The following EEFSEC variants were observed in gnomAD, a reference collection of about 807,000 sequenced individuals.
The protein encoded by EEFSEC is selenocysteine-specific elongation factor.
A neutral mutation model predicts 42.1 loss-of-function variants in EEFSEC; 43 were observed. That is an observed-to-expected ratio of 1.02 (90% CI 0.80 to 1.32). EEFSEC has a LOEUF of 1.32. Among genes scored for constraint, EEFSEC ranks in the 40% most tolerant of loss-of-function variants. The probability of loss-of-function intolerance (pLI) is 0.00; values close to 1 mark genes in which losing one functional copy is unlikely to be tolerated. For synonymous variants in EEFSEC, 354 were observed against 339.1 expected (o/e 1.04, Z -0.48); for missense variants, 745 against 803.6 (o/e 0.93, Z 0.88).
chr3:128,162,468 A>G (rs919696971), intron 1 of EEFSEC, among the ~76,000 whole-genome samples: 4 of 152,042 alleles, frequency 2.6e-5, no homozygotes, highest in African/African-American at 9.7e-5. Flanking sequence ...CTCCCCATAC[A>G]CTGGAGTGCC....
In EEFSEC at chr3:128,345,325, C is replaced by A. The variant is rs144498312; in HGVS notation, c.1443+3436C>A. 6.2e-3 allele frequency among the ~76,000 whole-genome samples: 944 copies of A among 152,288 alleles called. 33 individuals are homozygous for A. Among genetic ancestry groups the A allele is most frequent in the Admixed American group, 0.056 (853 of 15,304 alleles). The stretch of plus-strand genomic sequence containing the variant: ...TCTTTTCCCTGGGACTCCATTATTT[C>A]TCTTTGAAGCACAGGAGCCAATCCC... On this transcript the variant is annotated intron_variant, in intron 5 of 6. Transcript: ENST00000254730.
At chr3:128,305,866 T>C (rs2066820502) in intron 4 of EEFSEC, among the ~76,000 whole-genome samples, 1 of 152,230 alleles carries the variant, frequency 6.6e-6, no homozygotes, top group South Asian at 2.1e-4. Flanking sequence ...AAAGACTAAA[T>C]ACATTGATCA....
Position 128,214,772 on chromosome 3 carries a change from C to G in EEFSEC, c.317-32064C>G, listed in dbSNP as rs554303348. On this transcript the variant is annotated intron_variant, in intron 1 of 6. Transcript: ENST00000254730. ...AATTACCTGGGATCTCTTCATTTCC[C>G]GGAGGGAAACTGGAAATTATCTTGC... Among the ~76,000 whole-genome samples, 12 of 152,260 alleles carry G rather than the reference C, an allele frequency of 7.9e-5. No individual in the cohort carries two copies. In the South Asian group the frequency reaches 2.5e-3, roughly 32 times the overall value.
chr3:128,324,586 G>A (rs2067043840), intron 4 of EEFSEC, among the ~76,000 whole-genome samples: 1 of 152,168 alleles, frequency 6.6e-6, no homozygotes, highest in Non-Finnish European at 1.5e-5. Context: ...GATCCAGGAG[G>A]GGAAAGTTGC....
intron 4 of EEFSEC, among the ~76,000 whole-genome samples, chr3:128,319,653 G>T (rs1024980657): frequency 6.6e-6 from 1 of 152,162 alleles, no homozygotes; most frequent in Non-Finnish European, 1.5e-5. Flanking sequence ...ACCAACCAGG[G>T]GTTTCCATGC....
At chr3:128,199,884 C>T (rs929536743) in intron 1 of EEFSEC, among the ~76,000 whole-genome samples, 6 of 152,082 alleles carry the variant, frequency 3.9e-5, no homozygotes, top group African/African-American at 1.2e-4. Flanking sequence ...CAGGCGCACG[C>T]CACCACGCCC....
intron 1 of EEFSEC, among the ~76,000 whole-genome samples, chr3:128,166,367 A>G (rs1166435311): frequency 1.3e-5 from 2 of 152,220 alleles, no homozygotes; most frequent in Non-Finnish European, 2.9e-5. Context: ...ACGGTCCAAC[A>G]TGGCAGCCAC....
intron 1 of EEFSEC, among the ~76,000 whole-genome samples, chr3:128,226,842 A>ACAG (rs2065912586): frequency 6.6e-6 from 1 of 152,218 alleles, no homozygotes. Flanking sequence ...ATGGTGGTGC[A>ACAG]CAGAGGGTTG....
At position 128,319,950 on chromosome 3, in the gene EEFSEC, A is replaced by C. The variant is rs1435610923; in HGVS notation, c.787-21283A>C. 3.3e-5 allele frequency among the ~76,000 whole-genome samples: 5 copies of C among 152,254 alleles called. No individual in the cohort carries two copies. The East Asian group carries it at 9.6e-4, about 29-fold the overall frequency. On this transcript the variant is annotated intron_variant, in intron 4 of 6. Coordinates refer to ENST00000254730, the MANE Select transcript of EEFSEC (RefSeq NM_021937.5). Reference sequence around the variant, plus strand: ...CGTGTGTACAGCACCTGCTGCTGGCAGCACAGGTTTGGCCCTGCTGATTGG... The same window carrying C: ...CGTGTGTACAGCACCTGCTGCTGGCCGCACAGGTTTGGCCCTGCTGATTGG...
At chr3:128,235,795 G>A (rs1396229435) in intron 1 of EEFSEC, among the ~76,000 whole-genome samples, 2 of 152,250 alleles carry the variant, frequency 1.3e-5, no homozygotes, top group Non-Finnish European at 2.9e-5. Flanking sequence ...GTAGCAATGA[G>A]TGTCCACATA....
At chr3:128,418,116 G>A in the EEFSEC span, among the ~76,000 whole-genome samples, 181 of 152,138 alleles carry the variant, frequency 1.2e-3, 2 homozygotes, top group Middle Eastern at 0.01. Context: ...GCCCACCACT[G>A]GAGTCCCCAG....
intron 1 of EEFSEC, among the ~76,000 whole-genome samples, chr3:128,243,723 G>A (rs985275513): frequency 2.5e-4 from 38 of 152,170 alleles, no homozygotes; most frequent in African/African-American, 7.0e-4. Flanking sequence ...GGAAAGGGGC[G>A]AGAGTCCACC....
intron 4 of EEFSEC, among the ~76,000 whole-genome samples, chr3:128,316,887 C>CCCGA (rs753098378): frequency 3.9e-5 from 6 of 152,164 alleles, no homozygotes; most frequent in Non-Finnish European, 8.8e-5. Context: ...TAATCCCAGC[C>CCCGA]CCGACCTTCC....
chr3:128,349,587 G>A (rs930268883), intron 5 of EEFSEC, among the ~76,000 whole-genome samples: 5 of 152,108 alleles, frequency 3.3e-5, no homozygotes, highest in African/African-American at 1.2e-4. Flanking sequence ...CTGTTACCAC[G>A]CCCCAGGATG....
chr3:128,411,619 G>C (rs952359259), downstream of EEFSEC, among the ~76,000 whole-genome samples: 1 of 152,142 alleles, frequency 6.6e-6, no homozygotes, highest in African/African-American at 2.4e-5. Context: ...GTCATGGACC[G>C]ACATCCTGCC....
intron 1 of EEFSEC, among the ~76,000 whole-genome samples, chr3:128,225,839 C>T (rs991016599): frequency 1.3e-5 from 2 of 152,222 alleles, no homozygotes; most frequent in Admixed American, 1.3e-4. Flanking sequence ...GGAAAGGACA[C>T]TGCCAAGCAC....
Position 128,402,525 on chromosome 3 carries a change from G to A in EEFSEC, c.1601-5544G>A, listed in dbSNP as rs1397098604. On this transcript the variant is annotated intron_variant, in intron 6 of 6. Transcript: ENST00000254730. The stretch of plus-strand genomic sequence containing the variant: ...GGGAATCAGATAGCCTGGCGTTCCC[G>A]CTCTGCCTGTAAATAGCCGTGTGAC... 5.9e-5 allele frequency among the ~76,000 whole-genome samples: 9 copies of A among 152,304 alleles called. 1 individual carries two copies. In the South Asian group the frequency reaches 6.2e-4, roughly 11 times the overall value.
intron 1 of EEFSEC, among the ~76,000 whole-genome samples, chr3:128,186,472 G>A (rs1032131209): frequency 3.9e-4 from 59 of 152,218 alleles, no homozygotes; most frequent in African/African-American, 1.2e-3. Flanking sequence ...TGTGCTTTTG[G>A]TGTCATATCT....
At chr3:128,420,615 C>A in the EEFSEC span, among the ~76,000 whole-genome samples, 5 of 152,252 alleles carry the variant, frequency 3.3e-5, 1 homozygote, top group Non-Finnish European at 5.9e-5. Flanking sequence ...TCTTTCCTTG[C>A]AGGCCTCATC....
Sources: allele counts gnomAD v4.1 joint callset (sites outside exome capture counted in the v4.1 genomes callset), GRCh38; gene constraint gnomAD v4.1.1; transcripts MANE v1.5; gene names NCBI Gene and HGNC (gene_info 2026-07-23, HGNC 2026-07-21).